Variants in UPF3A observed in about 807,000 individuals in gnomAD.
UPF3A encodes the protein UPF3A regulator of nonsense mediated mRNA decay, also known as regulator of nonsense transcripts 3A.
Under a neutral mutation model 53.5 loss-of-function variants are expected in UPF3A, and 42 were observed. That is an observed-to-expected ratio of 0.78 (90% CI 0.61 to 1.01). The LOEUF is 1.01. Among genes scored for constraint, UPF3A ranks in the 50% least tolerant of loss-of-function variants. UPF3A has a pLI of 0.00. For synonymous variants in UPF3A, 237 were observed against 225.3 expected (o/e 1.05, Z -0.47); for missense variants, 575 against 598.0 (o/e 0.96, Z 0.40).
intron 2 of UPF3A, chr13:114,282,452 G>A (rs892620770): frequency 1.0e-6 from 1 of 985,450 alleles, no homozygotes; most frequent in Non-Finnish European, 1.2e-6. Context: ...GGCGCTGCGG[G>A]GCCGGGGGGC....
At chr13:114,291,118 A>G (rs1343458525) in intron 5 of UPF3A, among the ~76,000 whole-genome samples, 2 of 152,230 alleles carry the variant, frequency 1.3e-5, no homozygotes, top group African/African-American at 4.8e-5. Flanking sequence ...GTAAGACATT[A>G]CAAGAATCCA....
intron 7 of UPF3A, among the ~76,000 whole-genome samples, chr13:114,292,378 C>T (rs1263312923): frequency 6.7e-6 from 1 of 148,642 alleles, no homozygotes; most frequent in Non-Finnish European, 1.5e-5. Context: ...AGGTGTGTTA[C>T]GTGTTCATTT....
chr13:114,296,271 TACTC>T (rs2086002649), intron 7 of UPF3A, among the ~76,000 whole-genome samples: 1 of 152,082 alleles, frequency 6.6e-6, no homozygotes, highest in Non-Finnish European at 1.5e-5. Context: ...TAGTCCCAGT[TACTC>T]AGGAGGCTGA....
At chr13:114,292,412 G>T (rs1173144761) in intron 7 of UPF3A, among the ~76,000 whole-genome samples, 1 of 149,306 alleles carries the variant, frequency 6.7e-6, no homozygotes, top group Non-Finnish European at 1.5e-5. Flanking sequence ...TACACGTGCA[G>T]GTGTGCCACA....
At chr13:114,303,933 A>C (rs2086817744) in intron 9 of UPF3A, among the ~76,000 whole-genome samples, 1 of 152,228 alleles carries the variant, frequency 6.6e-6, no homozygotes, top group Non-Finnish European at 1.5e-5. Flanking sequence ...TGGTAAGCAG[A>C]TGTGGGCTTC....
chr13:114,287,797 A>G (rs2084871067), intron 5 of UPF3A, among the ~76,000 whole-genome samples: 1 of 152,028 alleles, frequency 6.6e-6, no homozygotes, highest in African/African-American at 2.4e-5. Flanking sequence ...TAGTCCGTTC[A>G]CTTTCTTCAT....
intron 7 of UPF3A, 64 bp downstream of exon 7, chr13:114,291,856 C>T (rs1337854981): frequency 1.3e-5 from 20 of 1,494,472 alleles, no homozygotes; most frequent in East Asian, 4.5e-5. Flanking sequence ...ACACTTTTTA[C>T]ATATCTTAGT....
intron 5 of UPF3A, chr13:114,287,597 C>T (rs1188617667): frequency 6.6e-6 from 1 of 152,072 alleles, no homozygotes; most frequent in Admixed American, 6.6e-5. Flanking sequence ...CTCAAAAAAC[C>T]AATAAAATTG....
At chr13:114,284,361 A>G (rs1456634167) in intron 3 of UPF3A, among the ~76,000 whole-genome samples, 2 of 145,996 alleles carry the variant, frequency 1.4e-5, no homozygotes, top group East Asian at 2.0e-4. Context: ...AAAAATATGT[A>G]TGTGTATGTA....
At chr13:114,284,004 T>G in intron 3 of UPF3A, 1 of 985,464 alleles carries the variant, frequency 1.0e-6, no homozygotes, top group Non-Finnish European at 1.2e-6. Flanking sequence ...ATGTGATGCT[T>G]GAACTGACCT....
intron 3 of UPF3A, 194 bp from the exon 4 acceptor site, chr13:114,286,108 C>A: frequency 1.5e-6 from 1 of 683,686 alleles, no homozygotes; most frequent in Non-Finnish European, 2.3e-6. Context: ...GTTGCAGGTG[C>A]TTGAAAGTGT....
rs1566781902 is a variant in UPF3A, at chr13:114,305,569, T to C, written c.*652T>C. 1 of 154,098 alleles carries C rather than the reference T, an allele frequency of 6.5e-6. No individual in the cohort carries two copies. The highest frequency in any genetic ancestry group is 2.4e-5 in the African/African-American group (1 of 41,458). The allele number at this position is 154,098 out of a possible 1,614,324, so 9.5% of individuals were successfully genotyped here. Reference sequence around the variant, plus strand: ...TGTTTGTGGTTTGTAACCATTACGGTTTAAACCATGGTTTAAGAATTTGCC... The same window carrying C: ...TGTTTGTGGTTTGTAACCATTACGGCTTAAACCATGGTTTAAGAATTTGCC... On this transcript the variant is annotated 3_prime_UTR_variant, in exon 10 of 10. Transcript: ENST00000375299.
At chr13:114,289,077 G>T (rs549971879) in intron 5 of UPF3A, among the ~76,000 whole-genome samples, 1 of 152,204 alleles carries the variant, frequency 6.6e-6, no homozygotes, top group Admixed American at 6.5e-5. Context: ...ACCTCCCCGA[G>T]AGTCTGCTGC....
At chr13:114,301,619 G>A (rs1271651553) in intron 8 of UPF3A, 112 bp from the exon 9 acceptor site, 11 of 1,035,712 alleles carry the variant, frequency 1.1e-5, no homozygotes, top group African/African-American at 9.6e-5. Context: ...GCAGTGCAGC[G>A]CTGAGCACTT....
chr13:114,301,844 A>T lies in UPF3A; in HGVS notation c.1121A>T (p.Glu374Val), dbSNP rs2086636311. The T allele has an allele frequency of 1.2e-6, 2 of 1,613,464 alleles. No homozygotes were observed. Among genetic ancestry groups the T allele is most frequent in the African/African-American group, 2.7e-5 (2 of 74,892 alleles). Residue 374 changes from glutamate to valine, a missense_variant, in exon 9 of 10, where the codon GAG becomes GTG. By Grantham distance (121) the Glu-to-Val change is moderately radical. Coordinates refer to ENST00000375299, the MANE Select transcript of UPF3A (RefSeq NM_023011.4). Reference sequence around the variant, plus strand: ...GGCAGGAGGCACAGAGCTCACCACGAGCCTGAACGGCTTTCCAGAAGGAGT... The same window carrying T: ...GGCAGGAGGCACAGAGCTCACCACGTGCCTGAACGGCTTTCCAGAAGGAGT... ...DDGRRHRAHHEPERLSRRSED... is the reference protein window; with the variant it reads ...DDGRRHRAHHVPERLSRRSED...
rs1277043768 is a variant in UPF3A at position 114,302,185 on chromosome 13, C to CT, written c.1302+161dup. On this transcript the variant is annotated intron_variant, in intron 9 of 9. Coordinates refer to ENST00000375299, the MANE Select transcript of UPF3A (RefSeq NM_023011.4). Reference sequence around the variant, plus strand: ...CTGAAAGTCAGATCCCAGAGTGAGACTAGTCATCATCTTTTCTCAGATAAT... The same window carrying CT: ...CTGAAAGTCAGATCCCAGAGTGAGACTTAGTCATCATCTTTTCTCAGATAAT... Among the ~76,000 whole-genome samples, 4 of 152,098 alleles carry CT rather than the reference C, an allele frequency of 2.6e-5. No individual in the cohort carries two copies. The East Asian group carries it at 7.7e-4, about 29-fold the overall frequency.
chr13:114,281,727 G>A lies in UPF3A; in HGVS notation c.88G>A (p.Glu30Lys). The A allele has an allele frequency of 6.4e-7, 1 of 1,557,444 alleles. No individual in the cohort carries two copies. The highest frequency in any genetic ancestry group is 8.7e-7 in the Non-Finnish European group (1 of 1,151,586). ...CGGGAGGGAGAAGCTGTCGGCCCTA[G>A]AAGTGCAGTTCCACCGCGACTCGCA... ...PSGREKLSAL[E>K]VQFHRDSQQQ... Residue 30 changes from glutamate (E) to lysine (K), a missense_variant, in exon 1 of 10, where the codon GAA becomes AAA. Around this residue, in one of 2 missense-constraint regions of UPF3A, gnomAD observed 252 missense variants for 182.7 expected, o/e 1.38. Transcript: ENST00000375299.
intron 7 of UPF3A, among the ~76,000 whole-genome samples, chr13:114,296,795 G>A (rs2139317740): frequency 6.6e-6 from 1 of 152,260 alleles, no homozygotes; most frequent in Non-Finnish European, 1.5e-5. Flanking sequence ...GCACGCAGCT[G>A]GTGTCGGAGG....
intron 8 of UPF3A, among the ~76,000 whole-genome samples, chr13:114,301,022 G>A (rs1407318962): frequency 2.0e-5 from 3 of 148,962 alleles, no homozygotes; most frequent in African/African-American, 7.8e-5. Flanking sequence ...TGTTGACCAG[G>A]CTGGTCTCCA....
Sources: allele counts gnomAD v4.1 joint callset (sites outside exome capture counted in the v4.1 genomes callset), GRCh38; gene constraint gnomAD v4.1.1; regional missense constraint gnomAD v4.1.1; transcripts MANE v1.5; gene names NCBI Gene and HGNC (gene_info 2026-07-23, HGNC 2026-07-21).